Variants in DMXL2 observed in about 807,000 individuals in gnomAD.
DMXL2 encodes dmX-like protein 2.
Under a neutral mutation model 331.1 loss-of-function variants are expected in DMXL2, and 103 were observed. The observed-to-expected ratio is 0.31, with a 90% CI of 0.27 to 0.37. The LOEUF (loss-of-function observed/expected upper bound fraction) is 0.37, where lower values mean the gene tolerates loss of function less well. Among genes scored for constraint, DMXL2 ranks in the 10% least tolerant of loss-of-function variants. The pLI is 1.00. For synonymous variants in DMXL2, 1,281 were observed against 1,252.1 expected (o/e 1.02, Z -0.49); for missense variants, 3,171 against 3,642.9 (o/e 0.87, Z 3.33).
At chr15:51,518,917 G>C (rs2047187081) in intron 13 of DMXL2, among the ~76,000 whole-genome samples, 2 of 152,130 alleles carry the variant, frequency 1.3e-5, no homozygotes, top group South Asian at 2.1e-4. Flanking sequence ...AAATTAGAAT[G>C]AAGTAAAGCA....
At chr15:51,502,249 A>T (rs1319864064) in intron 17 of DMXL2, among the ~76,000 whole-genome samples, 4 of 151,408 alleles carry the variant, frequency 2.6e-5, no homozygotes, top group Non-Finnish European at 5.9e-5. Flanking sequence ...AAAAAAAAAA[A>T]AATTTACACT....
At position 51,474,598 on chromosome 15, in the gene DMXL2, AG is replaced by A; in HGVS notation, c.6965-7del. 1 of 1,589,034 alleles carries A rather than the reference AG, an allele frequency of 6.3e-7. No homozygotes were observed. The highest frequency in any genetic ancestry group is 8.6e-7 in the Non-Finnish European group (1 of 1,165,590). On this transcript the variant is annotated splice_region_variant and splice_polypyrimidine_tract_variant and intron_variant, in intron 27 of 43. Transcript: ENST00000560891. ...ATTAATAAGTGAGCTCACACCTATA[AG>A]GGTATATAAAATCATAAGACGTATG...
At chr15:51,594,255 T>C (rs1368141991) in intron 1 of DMXL2, among the ~76,000 whole-genome samples, 2 of 152,066 alleles carry the variant, frequency 1.3e-5, no homozygotes, top group Non-Finnish European at 2.9e-5. Context: ...CCCACAGAAA[T>C]ACAAACTACC....
chr15:51,455,863 AATAG>A (rs2039574541), intron 39 of DMXL2, among the ~76,000 whole-genome samples, 199 bp downstream of exon 39: 2 of 152,200 alleles, frequency 1.3e-5, no homozygotes, highest in African/African-American at 4.8e-5. Flanking sequence ...AGTATCTTTA[AATAG>A]ATGATTAATC....
intron 1 of DMXL2, 126 bp from the exon 2 acceptor site, chr15:51,576,307 A>T: frequency 1.5e-6 from 1 of 662,748 alleles, no homozygotes; most frequent in Non-Finnish European, 2.3e-6. Flanking sequence ...ATTTTACAAA[A>T]TAGTTAATAT....
chr15:51,617,508 G>A (rs1433972712), intron 1 of DMXL2, among the ~76,000 whole-genome samples: 1 of 152,156 alleles, frequency 6.6e-6, no homozygotes, highest in Non-Finnish European at 1.5e-5. Flanking sequence ...CGACTGTGAG[G>A]TCTGATCAAA....
intron 2 of DMXL2, among the ~76,000 whole-genome samples, chr15:51,569,736 G>A (rs1302601474): frequency 1.3e-5 from 2 of 152,166 alleles, no homozygotes; most frequent in Non-Finnish European, 2.9e-5. Flanking sequence ...GCAGCAGAGG[G>A]GCCTGACTGT....
chr15:51,574,345 C>T (rs1281205720), intron 2 of DMXL2, among the ~76,000 whole-genome samples: 5 of 152,184 alleles, frequency 3.3e-5, no homozygotes, highest in Non-Finnish European at 4.4e-5. Context: ...GAATTAACTA[C>T]AGGGAATAGA....
At chr15:51,472,494 G>C (rs1454328368) in intron 28 of DMXL2, among the ~76,000 whole-genome samples, 1 of 151,988 alleles carries the variant, frequency 6.6e-6, no homozygotes, top group Admixed American at 6.6e-5. Context: ...CACCCCAAAA[G>C]GAAACACTAT....
At chr15:51,613,803 A>G (rs973462710) in intron 1 of DMXL2, among the ~76,000 whole-genome samples, 1 of 152,194 alleles carries the variant, frequency 6.6e-6, no homozygotes, top group African/African-American at 2.4e-5. Context: ...TTGTCCACAT[A>G]TTAGCATATT....
intron 18 of DMXL2, among the ~76,000 whole-genome samples, chr15:51,496,553 G>C (rs1368936162): frequency 6.6e-6 from 1 of 152,198 alleles, no homozygotes; most frequent in Non-Finnish European, 1.5e-5. Flanking sequence ...AAGTGAGACA[G>C]GAAGGCACCA....
At chr15:51,557,088 A>G (rs553236511) in intron 6 of DMXL2, among the ~76,000 whole-genome samples, 1 of 152,298 alleles carries the variant, frequency 6.6e-6, no homozygotes, top group South Asian at 2.1e-4. Context: ...GGAGAGTTAC[A>G]AAAGATGAAC....
chr15:51,461,280 G>A (rs1023160439), intron 33 of DMXL2, among the ~76,000 whole-genome samples: 4 of 152,040 alleles, frequency 2.6e-5, no homozygotes, highest in Non-Finnish European at 5.9e-5. Context: ...GGAGACTAAG[G>A]GGCGGAGAGG....
intron 6 of DMXL2, among the ~76,000 whole-genome samples, chr15:51,556,117 GT>G (rs1366387847): frequency 2.0e-5 from 3 of 152,074 alleles, no homozygotes; most frequent in Admixed American, 6.5e-5. Flanking sequence ...GCCAAGGCAG[GT>G]GGATCACGAG....
rs1444114582 is a variant in DMXL2 at position 51,458,269 on chromosome 15, A to C, written c.8198+237T>G. Among the ~76,000 whole-genome samples the C allele has an allele frequency of 2.6e-5, 4 of 152,368 alleles. No individual in the cohort carries two copies. In the East Asian group the frequency reaches 5.8e-4, roughly 22 times the overall value. On this transcript the variant is annotated intron_variant, in intron 36 of 43. Transcript: ENST00000560891. ...TAATTTACTGAATATCATGAAGCCAAGTGTTAGGGATTATCCTTATTGAAA... is the reference window on the plus strand; with the variant it reads ...TAATTTACTGAATATCATGAAGCCACGTGTTAGGGATTATCCTTATTGAAA...
intron 1 of DMXL2, among the ~76,000 whole-genome samples, chr15:51,610,541 G>C (rs1401229692): frequency 2.0e-5 from 3 of 152,138 alleles, no homozygotes; most frequent in African/African-American, 7.2e-5. Context: ...GGCCGAGGCG[G>C]GCAGATCATG....
Position 51,474,742 on chromosome 15 carries a change from G to A in DMXL2, c.6965-150C>T, listed in dbSNP as rs1008712052. On this transcript the variant is annotated intron_variant, in intron 27 of 43. Transcript: ENST00000560891. ...GCAACAAAATAAACAAGATAGGAATGGATTATAGCCTATAGAATAAAATCA... is the reference window on the plus strand; with the variant it reads ...GCAACAAAATAAACAAGATAGGAATAGATTATAGCCTATAGAATAAAATCA... The A allele has an allele frequency of 3.7e-5, 30 of 818,362 alleles. No homozygotes were observed. The African/African-American group carries it at 5.1e-4, about 14-fold the overall frequency. 50.7% of individuals were successfully genotyped at this position (818,362 alleles called of 1,614,324 possible). A position where few individuals can be genotyped will look rare whatever the true frequency, so the allele number is the denominator to read the frequency against.
chr15:51,590,890 G>T (rs924127089), intron 1 of DMXL2, among the ~76,000 whole-genome samples: 1 of 152,074 alleles, frequency 6.6e-6, no homozygotes, highest in African/African-American at 2.4e-5. Context: ...GTAAGTTTTT[G>T]TTTGTATTTT....
At chr15:51,501,828 G>A (rs1021492712) in intron 17 of DMXL2, among the ~76,000 whole-genome samples, 1 of 151,044 alleles carries the variant, frequency 6.6e-6, no homozygotes, top group Non-Finnish European at 1.5e-5. Flanking sequence ...GCTAAGGCAG[G>A]AGAATGGCAT....
Sources: allele counts gnomAD v4.1 joint callset (sites outside exome capture counted in the v4.1 genomes callset), GRCh38; gene constraint gnomAD v4.1.1; transcripts MANE v1.5; gene names NCBI Gene and HGNC (gene_info 2026-07-23, HGNC 2026-07-21).